The following ROBO1 variants were observed in gnomAD, a reference collection of about 807,000 sequenced individuals.
The protein encoded by ROBO1 is roundabout homolog 1.
Under a neutral mutation model 195.9 loss-of-function variants are expected in ROBO1, and 149 were observed. That is an observed-to-expected ratio of 0.76 (90% CI 0.67 to 0.87). ROBO1 has a LOEUF of 0.87. Among genes scored for constraint, ROBO1 ranks in the 40% least tolerant of loss-of-function variants. The pLI, the probability that ROBO1 is intolerant of heterozygous loss-of-function variation, is 0.00. For missense variants in ROBO1, 1,933 were observed against 2,068.3 expected (o/e 0.93, Z 1.27); for synonymous variants, 816 against 733.2 (o/e 1.11, Z -1.82).
intron 4 of ROBO1, among the ~76,000 whole-genome samples, chr3:78,866,734 T>C (rs1235946414): frequency 6.6e-6 from 1 of 152,198 alleles, no homozygotes; most frequent in Non-Finnish European, 1.5e-5. Context: ...TTAACTTACA[T>C]GGTTTTAAAA....
chr3:79,729,722 A>G (rs1418474038), intron 1 of ROBO1, among the ~76,000 whole-genome samples: 1 of 152,196 alleles, frequency 6.6e-6, no homozygotes, highest in Admixed American at 6.5e-5. Context: ...ATTGGAAAGA[A>G]AAAACCTATA....
At chr3:78,917,199 C>A (rs922726496) in intron 4 of ROBO1, among the ~76,000 whole-genome samples, 31 of 146,498 alleles carry the variant, frequency 2.1e-4, no homozygotes, top group African/African-American at 2.0e-4. Flanking sequence ...CGGGTTCAAG[C>A]GATTCTCCTG....
intron 1 of ROBO1, among the ~76,000 whole-genome samples, chr3:79,601,888 T>C (rs1944349853): frequency 2.0e-5 from 3 of 151,984 alleles, no homozygotes; most frequent in Admixed American, 1.3e-4. Flanking sequence ...AGTCACAGGA[T>C]CATTTTTAAA....
At chr3:79,062,655 A>G (rs1251199633) in intron 3 of ROBO1, among the ~76,000 whole-genome samples, 1 of 152,188 alleles carries the variant, frequency 6.6e-6, no homozygotes, top group African/African-American at 2.4e-5. Context: ...ACACCATGGA[A>G]TACTATGCAG....
Position 78,606,902 on chromosome 3 carries a change from T to C in ROBO1, c.4575A>G (p.Lys1525=), listed in dbSNP as rs1355547280. 6.2e-7 allele frequency: 1 copy of C among 1,613,950 alleles called. No homozygotes were observed. Among genetic ancestry groups the C allele is most frequent in the Non-Finnish European group, 8.5e-7 (1 of 1,179,890 alleles). ...CTTCTCTCCCCTTGTAACTGCTTCC[T>C]TTTCTGTCTGATGATCTGTCTGTTC... is the stretch of plus-strand genomic sequence containing the variant. ...DARTDRSSDR[K]GSSYKGREVL... is the part of the protein sequence containing the mutation. The change falls in exon 29 of 31, where the codon AAA becomes AAG. Residue 1525 remains lysine (K), a synonymous_variant. Transcript: ENST00000464233.
chr3:78,711,347 C>CTT (rs1559772676), intron 8 of ROBO1, among the ~76,000 whole-genome samples: 4 of 39,192 alleles, frequency 1.0e-4, no homozygotes, highest in African/African-American at 4.3e-4. Context: ...TTCCTTCCTT[C>CTT]CTCCTTCCTT....
In ROBO1 at chr3:79,258,125, T is replaced by C. The variant is rs535124250; in HGVS notation, c.89-132586A>G. The stretch of plus-strand genomic sequence containing the variant: ...CCAGATGCTAAATTAAATGGAAAAA[T>C]TTTGGAATTTGGTATTCCCCTTTCT... On this transcript the variant is annotated intron_variant, in intron 2 of 30. Transcript: ENST00000464233. Among the ~76,000 whole-genome samples, 10 of 152,260 alleles carry C rather than the reference T, an allele frequency of 6.6e-5. 1 individual carries two copies. In the South Asian group the frequency reaches 2.1e-3, roughly 32 times the overall value.
intron 2 of ROBO1, among the ~76,000 whole-genome samples, chr3:79,333,404 TC>T (rs2034533366): frequency 6.6e-6 from 1 of 152,140 alleles, no homozygotes; most frequent in Non-Finnish European, 1.5e-5. Context: ...CATATCCTTA[TC>T]AATTATCAAG....
chr3:78,663,052 G>T (rs764506282), intron 14 of ROBO1, among the ~76,000 whole-genome samples: 8 of 152,056 alleles, frequency 5.3e-5, no homozygotes, highest in Non-Finnish European at 1.2e-4. Context: ...TCAAAGAATT[G>T]TATTTTGGCA....
At chr3:79,134,962 G>A (rs1392342869) in intron 2 of ROBO1, among the ~76,000 whole-genome samples, 7 of 141,408 alleles carry the variant, frequency 5.0e-5, no homozygotes, top group East Asian at 2.1e-4. Flanking sequence ...TGGGTGCAGC[G>A]CACCAGCATG....
At chr3:78,941,352 T>C (rs2040129475) in intron 3 of ROBO1, among the ~76,000 whole-genome samples, 1 of 152,188 alleles carries the variant, frequency 6.6e-6, no homozygotes, top group African/African-American at 2.4e-5. Flanking sequence ...AAATTCAGAT[T>C]GGATTTTATA....
intron 14 of ROBO1, among the ~76,000 whole-genome samples, chr3:78,665,161 C>A (rs753564649): frequency 7.9e-5 from 12 of 152,102 alleles, no homozygotes; most frequent in Non-Finnish European, 1.2e-4. Flanking sequence ...CTTAAAAGTC[C>A]ATCTGAAAAT....
At chr3:79,361,324 C>A (rs1265194410) in intron 2 of ROBO1, among the ~76,000 whole-genome samples, 1 of 151,542 alleles carries the variant, frequency 6.6e-6, no homozygotes, top group Non-Finnish European at 1.5e-5. Flanking sequence ...CAGATTGAAT[C>A]AAAAAGTAAG....
At chr3:79,497,014 C>G (rs1448490196) in intron 2 of ROBO1, among the ~76,000 whole-genome samples, 1 of 152,148 alleles carries the variant, frequency 6.6e-6, no homozygotes, top group Non-Finnish European at 1.5e-5. Flanking sequence ...ACATCGCTGT[C>G]TCAGGGACAA....
chr3:79,294,057 C>CAAAAAAAAAAAA (rs71631641), intron 2 of ROBO1, among the ~76,000 whole-genome samples: 1 of 29,056 alleles, frequency 3.4e-5, no homozygotes, highest in Non-Finnish European at 6.7e-5. Flanking sequence ...GACTCCATCT[C>CAAAAAAAAAAAA]AAAAAAAAAA....
At chr3:78,714,550 A>G (rs367946178) in intron 7 of ROBO1, 26 bp from the exon 8 acceptor site, 26 of 1,596,372 alleles carry the variant, frequency 1.6e-5, no homozygotes, top group Admixed American at 8.7e-5. Flanking sequence ...AAGAAAGCAC[A>G]GTTAAGTGAC....
At chr3:79,578,856 T>G (rs1474015941) in intron 2 of ROBO1, among the ~76,000 whole-genome samples, 1 of 152,216 alleles carries the variant, frequency 6.6e-6, no homozygotes, top group African/African-American at 2.4e-5. Flanking sequence ...TAACCACAAT[T>G]GTATCACTAT....
At chr3:79,123,921 A>C (rs975831931) in intron 3 of ROBO1, among the ~76,000 whole-genome samples, 1 of 152,090 alleles carries the variant, frequency 6.6e-6, no homozygotes, top group Non-Finnish European at 1.5e-5. Context: ...AGACTCCAAC[A>C]TGATTTATTC....
At position 79,333,000 on chromosome 3, in the gene ROBO1, G is replaced by A. The variant is rs145224592; in HGVS notation, c.89-207461C>T. Among the ~76,000 whole-genome samples, 613 of 152,028 alleles carry A rather than the reference G, an allele frequency of 4.0e-3. 1 individual carries two copies. Among genetic ancestry groups the A allele is most frequent in the Non-Finnish European group, 5.0e-3 (337 of 67,970 alleles). Reference sequence around the variant, plus strand: ...GTGGATCACCTGATGTCAGGAGTTCGAGACCAGCCCGACCAATACGGCGAA... The same window carrying A: ...GTGGATCACCTGATGTCAGGAGTTCAAGACCAGCCCGACCAATACGGCGAA... On this transcript the variant is annotated intron_variant, in intron 2 of 30. Transcript: ENST00000464233.
Sources: gnomAD v4.1 joint callset for allele counts (sites outside exome capture counted in the v4.1 genomes callset) on GRCh38, gnomAD v4.1.1 for gene constraint, MANE v1.5 for transcripts, NCBI Gene and HGNC (gene_info 2026-07-23, HGNC 2026-07-21) for gene names.